TMC7: variants seen among roughly 807,000 people sequenced by gnomAD.
The protein encoded by TMC7 is transmembrane channel-like protein 7.
TMC7 carries 54 observed loss-of-function variants against 82.9 expected under a neutral mutation model. That is an observed-to-expected ratio of 0.65 (90% confidence interval 0.52 to 0.82). The LOEUF is 0.82. Among genes scored for constraint, TMC7 ranks in the 40% least tolerant of loss-of-function variants. TMC7 has a pLI of 0.00. For synonymous variants in TMC7, 350 were observed against 337.9 expected (o/e 1.04, Z -0.39); for missense variants, 820 against 901.2 (o/e 0.91, Z 1.15).
At chr16:18,989,143 T>C (rs943967504) in intron 1 of TMC7, among the ~76,000 whole-genome samples, 2 of 151,984 alleles carry the variant, frequency 1.3e-5, no homozygotes, top group African/African-American at 4.8e-5. Flanking sequence ...TGAAGACAAA[T>C]AACCATTTGA....
At chr16:19,034,540 G>A (rs1399774079) in intron 6 of TMC7, among the ~76,000 whole-genome samples, 1 of 152,064 alleles carries the variant, frequency 6.6e-6, no homozygotes, top group Admixed American at 6.6e-5. Context: ...GGAGGTTGCA[G>A]TGAGCCGAGA....
At chr16:19,023,323 A>T in intron 5 of TMC7, 128 bp downstream of exon 5, 1 of 519,946 alleles carries the variant, frequency 1.9e-6, no homozygotes, top group Non-Finnish European at 3.4e-6. Flanking sequence ...TGTACCAGTA[A>T]ATGAAACAGG....
intron 1 of TMC7, among the ~76,000 whole-genome samples, chr16:18,990,308 CA>C: frequency 6.6e-6 from 1 of 152,262 alleles, no homozygotes; most frequent in East Asian, 1.9e-4. Flanking sequence ...GTGCAAGTCA[CA>C]GGGGATGCAA....
intron 3 of TMC7, among the ~76,000 whole-genome samples, chr16:19,020,032 C>T (rs564890247): frequency 3.9e-5 from 6 of 152,114 alleles, no homozygotes; most frequent in Non-Finnish European, 7.4e-5. Flanking sequence ...CATTATCTAG[C>T]GGAAGGTTGG....
At chr16:19,055,427 G>C (rs1229346531) in intron 13 of TMC7, among the ~76,000 whole-genome samples, 2 of 151,838 alleles carry the variant, frequency 1.3e-5, no homozygotes, top group Admixed American at 6.6e-5. Context: ...GCCCGATCTC[G>C]GCTCACTGCA....
At chr16:19,006,615 T>TGTTG (rs2039244907) in intron 1 of TMC7, among the ~76,000 whole-genome samples, 1 of 152,208 alleles carries the variant, frequency 6.6e-6, no homozygotes, top group East Asian at 1.9e-4. Context: ...CCTAAATACC[T>TGTTG]ATTGTTGCTC....
At chr16:19,042,973 C>A (rs1284809270) in intron 9 of TMC7, among the ~76,000 whole-genome samples, 1 of 151,954 alleles carries the variant, frequency 6.6e-6, no homozygotes, top group Non-Finnish European at 1.5e-5. Context: ...GTCTCGATCT[C>A]CTGACCTCGT....
intron 1 of TMC7, 51 bp downstream of exon 1, chr16:18,984,181 C>A (rs1383196461): frequency 3.5e-6 from 5 of 1,446,154 alleles, no homozygotes; most frequent in South Asian, 1.4e-5. Context: ...GGTCCGAGGG[C>A]GCACGGAGGG....
At chr16:19,015,443 G>A (rs1959635588) in intron 2 of TMC7, among the ~76,000 whole-genome samples, 1 of 151,888 alleles carries the variant, frequency 6.6e-6, no homozygotes, top group African/African-American at 2.4e-5. Flanking sequence ...TCCTTTCTGA[G>A]GTTGAATAAT....
At chr16:19,050,366 C>CAAAAAAAA (rs71143824) in intron 12 of TMC7, among the ~76,000 whole-genome samples, 1 of 83,046 alleles carries the variant, frequency 1.2e-5, no homozygotes, top group African/African-American at 5.1e-5. Flanking sequence ...GATTCCGTCT[C>CAAAAAAAA]AAAAAAAAAA....
intron 8 of TMC7, among the ~76,000 whole-genome samples, chr16:19,038,348 A>G (rs1248136452): frequency 6.6e-6 from 1 of 151,950 alleles, no homozygotes; most frequent in African/African-American, 2.4e-5. Context: ...GGCATGTGCC[A>G]CCACGCCTGG....
At chr16:18,996,710 G>C (rs372318770) in intron 1 of TMC7, among the ~76,000 whole-genome samples, 2 of 152,204 alleles carry the variant, frequency 1.3e-5, no homozygotes, top group South Asian at 2.1e-4. Context: ...CACAGAGAAG[G>C]GGGTGGAGAG....
chr16:18,988,434 C>T (rs1160205521), intron 1 of TMC7, among the ~76,000 whole-genome samples: 3 of 151,410 alleles, frequency 2.0e-5, no homozygotes, highest in Admixed American at 6.6e-5. Flanking sequence ...GGACTACAGG[C>T]GCATGCAACC....
chr16:19,050,648 C>A (rs1297441980), intron 12 of TMC7, among the ~76,000 whole-genome samples: 1 of 151,966 alleles, frequency 6.6e-6, no homozygotes, highest in Non-Finnish European at 1.5e-5. Context: ...ACCACCATGG[C>A]TGGCTAATTT....
intron 5 of TMC7, 57 bp downstream of exon 5, chr16:19,023,252 T>C: frequency 8.2e-7 from 1 of 1,222,672 alleles, no homozygotes; most frequent in Non-Finnish European, 1.2e-6. Flanking sequence ...AATTGATTGA[T>C]TTAAAGATCA....
At chr16:19,030,520 A>T in intron 6 of TMC7, 151 bp downstream of exon 6, 2 of 806,088 alleles carry the variant, frequency 2.5e-6, no homozygotes, top group Non-Finnish European at 3.6e-6. Flanking sequence ...TGGCAGCTGA[A>T]GAGACCTGGG....
Position 19,047,119 on chromosome 16 carries a change from A to T in TMC7, c.1610A>T (p.Glu537Val). The part of the protein sequence containing the change: ...CKLIQCWGQQ[E>V]FAIPDNVLGI... ...CTGATTCAGTGCTGGGGGCAGCAGG[A>T]GTTTGCCATTCCTGATAACGTCCTG... The change falls in exon 12 of 16, where the codon GAG becomes GTG. Residue 537 changes from glutamate (E) to valine (V), a missense_variant. Glu to Val is a moderately radical substitution (Grantham distance 121). Around this residue, in one of 2 missense-constraint regions of TMC7, gnomAD observed 650 missense variants for 669.9 expected, o/e 0.97. Transcript: ENST00000304381. The T allele has an allele frequency of 6.2e-7, 1 of 1,614,002 alleles. No individual in the cohort carries two copies. Among genetic ancestry groups the T allele is most frequent in the Non-Finnish European group, 8.5e-7 (1 of 1,179,998 alleles).
At position 19,047,077 on chromosome 16, in the gene TMC7, A is replaced by G. The variant is rs1283416067; in HGVS notation, c.1568A>G (p.Tyr523Cys). 1 of 1,610,820 alleles carries G rather than the reference A, an allele frequency of 6.2e-7. No individual in the cohort carries two copies. Among genetic ancestry groups the G allele is most frequent in the East Asian group, 2.2e-5 (1 of 44,842 alleles). Residue 523 changes from tyrosine (Y) to cysteine (C), a missense_variant, in exon 12 of 16, where the codon TAC becomes TGC. Physicochemically the swap from Tyr to Cys is radical, Grantham distance 194. Transcript: ENST00000304381. The stretch of plus-strand genomic sequence containing the variant: ...TCTGTTTCCAGGCTCCTGGTGACCT[A>G]CTGTTCCTCTTGCAAGCTGATTCAG... ...VDFPRKLLVT[Y>C]CSSCKLIQCW...
chr16:19,022,973 T>A (rs1288099892), intron 4 of TMC7, 140 bp from the exon 5 acceptor site: 3 of 441,058 alleles, frequency 6.8e-6, no homozygotes, highest in Admixed American at 4.1e-5. Flanking sequence ...TGAGCCAAGA[T>A]CACGCCATTG....
Sources: gnomAD v4.1 joint callset for allele counts (sites outside exome capture counted in the v4.1 genomes callset) on GRCh38, gnomAD v4.1.1 for gene constraint, gnomAD v4.1.1 regional missense constraint, MANE v1.5 for transcripts, NCBI Gene and HGNC (gene_info 2026-07-23, HGNC 2026-07-21) for gene names.